Variants in HSPA14 observed in about 807,000 individuals in gnomAD.
HSPA14 encodes the protein heat shock 70 kDa protein 14.
A neutral mutation model predicts 65.5 loss-of-function variants in HSPA14; 37 were observed. The ratio of observed to expected loss-of-function variants is 0.56; its 90% CI spans 0.43 to 0.74. The LOEUF (loss-of-function observed/expected upper bound fraction) is 0.74. Among genes scored for constraint, HSPA14 ranks in the 30% least tolerant of loss-of-function variants. HSPA14 has a pLI of 0.00. For synonymous variants in HSPA14, 203 were observed against 214.2 expected, an observed-to-expected ratio of 0.95 and a Z score of 0.46; for missense variants, 564 against 607.6, an observed-to-expected ratio of 0.93 and a Z score of 0.75.
intron 3 of HSPA14, chr10:14,845,229 T>C: frequency 1.0e-6 from 1 of 985,222 alleles, no homozygotes; most frequent in Non-Finnish European, 1.2e-6. Context: ...AAGCTTTTAG[T>C]GATTTACTTA....
At chr10:14,839,881 T>C in intron 1 of HSPA14, 24 bp from the exon 2 acceptor site, 1 of 1,581,790 alleles carries the variant, frequency 6.3e-7, no homozygotes, top group Non-Finnish European at 8.7e-7. Flanking sequence ...AATGAGACTA[T>C]GTATTTCGTG....
At chr10:14,852,135 C>T (rs1240384139) in intron 7 of HSPA14, among the ~76,000 whole-genome samples, 2 of 152,186 alleles carry the variant, frequency 1.3e-5, no homozygotes, top group African/African-American at 2.4e-5. Flanking sequence ...ACTCCTTACT[C>T]AGAAGAATAC....
chr10:14,841,598 A>G lies in HSPA14; in HGVS notation c.221+1441A>G, dbSNP rs148932454. 3.8e-3 allele frequency among the ~76,000 whole-genome samples: 579 copies of G among 152,282 alleles called. 3 individuals carry two copies. Among genetic ancestry groups the G allele is most frequent in the African/African-American group, 0.013 (552 of 41,556 alleles). ...TAGATCTCTCCCCTGGTAGCCAACA[A>G]TATGTTACTGTTTGTTTTATGCTGC... On this transcript the variant is annotated intron_variant, in intron 3 of 13. Transcript: ENST00000378372.
chr10:14,857,787 A>G (rs17155999), intron 10 of HSPA14, among the ~76,000 whole-genome samples: 2,698 of 152,198 alleles, frequency 0.018, 76 homozygotes, highest in African/African-American at 0.062. Flanking sequence ...CAAATATGAA[A>G]TATACTTTTC....
At chr10:14,862,519 C>T (rs1256351764) in intron 10 of HSPA14, among the ~76,000 whole-genome samples, 3 of 151,436 alleles carry the variant, frequency 2.0e-5, no homozygotes, top group Non-Finnish European at 4.4e-5. Flanking sequence ...GGACGACAGG[C>T]GCCCGCCACC....
At chr10:14,840,245 A>G in intron 3 of HSPA14, 88 bp downstream of exon 3, 1 of 620,334 alleles carries the variant, frequency 1.6e-6, no homozygotes, top group East Asian at 3.7e-5. Flanking sequence ...TAGAAACAGC[A>G]TAGTTTGTTT....
intron 5 of HSPA14, chr10:14,849,359 T>C: frequency 2.1e-6 from 1 of 482,782 alleles, no homozygotes; most frequent in Non-Finnish European, 4.2e-6. Context: ...TGTTAAGAAC[T>C]TGGGGGTTGG....
At chr10:14,847,298 A>G (rs1462634283) in intron 3 of HSPA14, among the ~76,000 whole-genome samples, 1 of 152,226 alleles carries the variant, frequency 6.6e-6, no homozygotes, top group Non-Finnish European at 1.5e-5. Context: ...TTCTAAAGAA[A>G]ACAGAACTAG....
intron 12 of HSPA14, among the ~76,000 whole-genome samples, chr10:14,869,445 C>CA (rs1832836062): frequency 6.6e-6 from 1 of 151,892 alleles, no homozygotes; most frequent in African/African-American, 2.4e-5. Context: ...TACAGGCATG[C>CA]ACCACCACAC....
At position 14,864,091 on chromosome 10, in the gene HSPA14, C is replaced by T. The variant is rs145112185; in HGVS notation, c.994-2992C>T. Among the ~76,000 whole-genome samples the T allele has an allele frequency of 2.5e-3, 373 of 151,728 alleles. 2 individuals are homozygous for T. Among genetic ancestry groups the T allele is most frequent in the African/African-American group, 8.4e-3 (347 of 41,382 alleles). On this transcript the variant is annotated intron_variant, in intron 10 of 13. Transcript: ENST00000378372. The stretch of plus-strand genomic sequence containing the variant: ...AAGTTGGCTGGGTATGGTGACACAC[C>T]CCTGTAGTCCCAGCTACTCGGGAGA...
At position 14,842,454 on chromosome 10, in the gene HSPA14, G is replaced by A. The variant is rs1367436124; in HGVS notation, c.221+2297G>A. The A allele has an allele frequency of 2.6e-6, 4 of 1,536,130 alleles. No individual in the cohort carries two copies. The highest frequency in any genetic ancestry group is 1.7e-4 in the Middle Eastern group (1 of 5,990). On this transcript the variant is annotated intron_variant, in intron 3 of 13. Transcript: ENST00000378372. The surrounding 1 kb of genome is among the most constrained non-coding windows in gnomAD (Gnocchi z 5.2). ...CGAATGCAGCAGGAGGGCTTCCGCC[G>A]CACCGAACGTCAGTGCCGCTCCAAG...
rs759789257 is a variant in HSPA14 at position 14,849,738 on chromosome 10, T to C, written c.394T>C (p.Leu132=). 6.2e-6 allele frequency: 10 copies of C among 1,609,382 alleles called. No homozygotes were observed. The highest frequency in any genetic ancestry group is 7.6e-6 in the Non-Finnish European group (9 of 1,178,468). ...ATATGCAGAAACGGCACATTCTGTA[T>C]TGGGCTCAGATGCAAATGATGTAGT... is the stretch of plus-strand genomic sequence containing the variant. ...SKMKETAHSV[L]GSDANDVVIT... The change falls in exon 6 of 14, where the codon TTG becomes CTG. Residue 132 remains leucine (L), a synonymous_variant. Coordinates refer to ENST00000378372, the MANE Select transcript of HSPA14 (RefSeq NM_016299.4).
Position 14,840,127 on chromosome 10 carries a change from T to G in HSPA14, c.191T>G (p.Val64Gly). The stretch of plus-strand genomic sequence containing the variant: ...AGAATAAGAAATATTTCAAATACAG[T>G]AATGAAAGTAAAGCAGATCCTGGGC... ...QSRIRNISNTVMKVKQILGRS... is the reference protein window; with the variant it reads ...QSRIRNISNTGMKVKQILGRS... Residue 64 changes from valine to glycine, a missense_variant, in exon 3 of 14, where the codon GTA becomes GGA. By Grantham distance (109) the Val-to-Gly change is moderately radical. Transcript: ENST00000378372. 6.8e-7 allele frequency: 1 copy of G among 1,473,500 alleles called. No individual in the cohort carries two copies. The highest frequency in any genetic ancestry group is 9.1e-7 in the Non-Finnish European group (1 of 1,100,958). The allele number at this position is 1,473,500 out of a possible 1,614,324, so 91.3% of individuals were successfully genotyped here.
At chr10:14,843,991 A>G (rs2131636982) in intron 3 of HSPA14, 1 of 1,476,292 alleles carries the variant, frequency 6.8e-7, no homozygotes, top group African/African-American at 1.4e-5. Context: ...GTCCTCAGAA[A>G]AAAACATGGA....
At chr10:14,866,277 C>G (rs1000527611) in intron 10 of HSPA14, among the ~76,000 whole-genome samples, 12 of 152,172 alleles carry the variant, frequency 7.9e-5, no homozygotes, top group African/African-American at 1.2e-4. Context: ...TCCTCATGCT[C>G]GTACCTGGAG....
intron 3 of HSPA14, chr10:14,843,822 A>G: frequency 6.5e-7 from 1 of 1,536,426 alleles, no homozygotes; most frequent in Non-Finnish European, 8.7e-7. Context: ...CAGCAGTGGA[A>G]GAGGCAACTG....
chr10:14,864,726 A>T (rs1299978046), intron 10 of HSPA14, among the ~76,000 whole-genome samples: 2 of 152,194 alleles, frequency 1.3e-5, no homozygotes, highest in African/African-American at 4.8e-5. Flanking sequence ...GTCTATCCTT[A>T]TCAGACATTT....
Position 14,849,714 on chromosome 10 carries a change from T to C in HSPA14, c.377-7T>C, listed in dbSNP as rs778412726. On this transcript the variant is annotated splice_polypyrimidine_tract_variant and splice_region_variant and intron_variant, in intron 5 of 13. Coordinates refer to ENST00000378372, the MANE Select transcript of HSPA14 (RefSeq NM_016299.4). The stretch of plus-strand genomic sequence containing the variant: ...GTCATCAGAATTTTATATTTTTTAA[T>C]ATGCAGAAACGGCACATTCTGTATT... The C allele has an allele frequency of 6.3e-7, 1 of 1,575,268 alleles. No homozygotes were observed. Among genetic ancestry groups the C allele is most frequent in the South Asian group, 1.2e-5 (1 of 86,712 alleles).
chr10:14,854,275 G>A lies in HSPA14; in HGVS notation c.885G>A (p.Val295=), dbSNP rs2131642167. ...AAGGTCAAGATTTTGATTGCAATGT[G>A]TCCAGGTAAAACTGAAGTTCAAAAA... is the stretch of plus-strand genomic sequence containing the variant. ...LYEGQDFDCN[V]SRARFELLCS... The change falls in exon 9 of 14, where the codon GTG becomes GTA. Residue 295 remains valine, a synonymous_variant. Transcript: ENST00000378372. 6.3e-7 allele frequency: 1 copy of A among 1,587,684 alleles called. No homozygotes were observed. Among genetic ancestry groups the A allele is most frequent in the South Asian group, 1.2e-5 (1 of 86,642 alleles).
Sources: allele counts gnomAD v4.1 joint callset (sites outside exome capture counted in the v4.1 genomes callset), GRCh38; gene constraint gnomAD v4.1.1; non-coding constraint Gnocchi (gnomAD v3.1); transcripts MANE v1.5; gene names NCBI Gene and HGNC (gene_info 2026-07-23, HGNC 2026-07-21).